Variants in ADGRL3 observed in about 807,000 individuals in gnomAD.
The protein encoded by ADGRL3 is adhesion G protein-coupled receptor L3.
A neutral mutation model predicts 153.5 loss-of-function variants in ADGRL3; 62 were observed. The observed-to-expected ratio is 0.40, with a 90% CI of 0.33 to 0.50. ADGRL3 has a LOEUF of 0.50. ADGRL3 is among the 20% of genes least tolerant of loss of function. The pLI is 0.47. For synonymous variants in ADGRL3, 710 were observed against 672.5 expected (o/e 1.06, Z -0.86); for missense variants, 1,641 against 1,859.4 (o/e 0.88, Z 2.16).
chr4:61,420,993 T>G (rs533455113), intron 2 of ADGRL3, among the ~76,000 whole-genome samples: 1 of 152,148 alleles, frequency 6.6e-6, no homozygotes, highest in African/African-American at 2.4e-5. Context: ...TGGGGTAAAA[T>G]ACTTGTCTGT....
chr4:62,076,172 A>G lies in ADGRL3; in HGVS notation c.*5264A>G, dbSNP rs1019393788. On this transcript the variant is annotated 3_prime_UTR_variant, in exon 27 of 27. Transcript: ENST00000683033. ...TGCTATTCCTTCTTTATTTAAAAAAAAATTTAAAAGTCAGCACTTCTTTCA... is the reference window on the plus strand; with the variant it reads ...TGCTATTCCTTCTTTATTTAAAAAAGAATTTAAAAGTCAGCACTTCTTTCA... 1 of 152,258 alleles carries G rather than the reference A, an allele frequency of 6.6e-6. No homozygotes were observed. The highest frequency in any genetic ancestry group is 3.4e-3 in the Middle Eastern group (1 of 294). 9.4% of individuals were successfully genotyped at this position (152,258 alleles called of 1,614,324 possible).
At chr4:61,387,428 A>C (rs978591896) in intron 2 of ADGRL3, among the ~76,000 whole-genome samples, 4 of 152,138 alleles carry the variant, frequency 2.6e-5, no homozygotes, top group Non-Finnish European at 5.9e-5. Context: ...TTTCCTCTTC[A>C]TAATAAACCT....
rs567282763 is a variant in ADGRL3 at position 61,694,172 on chromosome 4, T to A, written c.583+17237T>A. ...TCTGTCCTATACTATTTTAAAATTT[T>A]GTCATTATTTTTTTTTTTTTTTTTT... On this transcript the variant is annotated intron_variant, in intron 6 of 26. Coordinates refer to ENST00000683033, the MANE Select transcript of ADGRL3 (RefSeq NM_001387552.1). Among the ~76,000 whole-genome samples the A allele has an allele frequency of 3.8e-4, 52 of 137,252 alleles. 1 individual carries two copies. The highest frequency in any genetic ancestry group is 3.7e-3 in the Admixed American group (47 of 12,722). The allele number at this position is 137,252 out of a possible 152,430, so 90.0% of individuals were successfully genotyped here. A position where few individuals can be genotyped will look rare whatever the true frequency, so the allele number is the denominator to read the frequency against.
At chr4:62,017,113 G>T (rs926211835) in intron 21 of ADGRL3, among the ~76,000 whole-genome samples, 1 of 151,998 alleles carries the variant, frequency 6.6e-6, no homozygotes, top group African/African-American at 2.4e-5. Context: ...TTTCTATGGA[G>T]ATGATGATAT....
At chr4:61,902,938 A>G (rs553209483) in intron 11 of ADGRL3, among the ~76,000 whole-genome samples, 114 of 152,296 alleles carry the variant, frequency 7.5e-4, no homozygotes, top group Admixed American at 1.8e-3. Flanking sequence ...AAAATATTTT[A>G]TTCAACACTG....
chr4:61,816,508 C>G (rs574489974), intron 9 of ADGRL3, among the ~76,000 whole-genome samples: 2 of 152,230 alleles, frequency 1.3e-5, no homozygotes, highest in South Asian at 2.1e-4. Flanking sequence ...TAGATTATAT[C>G]CCTTGATTGA....
chr4:61,802,569 T>C (rs1237102720), intron 8 of ADGRL3, among the ~76,000 whole-genome samples: 2 of 152,100 alleles, frequency 1.3e-5, no homozygotes, highest in African/African-American at 4.8e-5. Flanking sequence ...GCACTGCTCA[T>C]CGGTCATCAG....
At chr4:61,308,878 G>A (rs567724552) in intron 1 of ADGRL3, among the ~76,000 whole-genome samples, 3 of 151,972 alleles carry the variant, frequency 2.0e-5, no homozygotes, top group Non-Finnish European at 4.4e-5. Context: ...CTAGTGATAG[G>A]GTTTTACAGT....
chr4:62,068,301 A>G, intron 26 of ADGRL3, 118 bp downstream of exon 26: 1 of 901,016 alleles, frequency 1.1e-6, no homozygotes, highest in Non-Finnish European at 1.6e-6. Context: ...TTTAAAAACT[A>G]AAAAGCCTAT....
intron 4 of ADGRL3, among the ~76,000 whole-genome samples, chr4:61,561,684 G>T (rs964374014): frequency 7.2e-5 from 11 of 151,932 alleles, no homozygotes; most frequent in African/African-American, 2.7e-4. Context: ...CACACTAACA[G>T]TTGTTCAATT....
chr4:61,303,088 A>G (rs898954125), intron 1 of ADGRL3, among the ~76,000 whole-genome samples: 1 of 152,222 alleles, frequency 6.6e-6, no homozygotes, highest in Non-Finnish European at 1.5e-5. Context: ...GAGTAGAAAT[A>G]TCAACTCATG....
chr4:61,301,606 A>T (rs2094581830), intron 1 of ADGRL3, among the ~76,000 whole-genome samples: 1 of 152,192 alleles, frequency 6.6e-6, no homozygotes, highest in African/African-American at 2.4e-5. Flanking sequence ...ACACACTTAG[A>T]ACCATCTTAA....
chr4:61,664,925 T>C (rs996813966), intron 5 of ADGRL3, among the ~76,000 whole-genome samples: 10 of 152,140 alleles, frequency 6.6e-5, no homozygotes, highest in African/African-American at 2.4e-4. Context: ...TCCATCTCCT[T>C]TAGGTAGCCA....
chr4:61,881,029 T>G (rs1227523588), intron 9 of ADGRL3, among the ~76,000 whole-genome samples: 2 of 152,134 alleles, frequency 1.3e-5, no homozygotes, highest in African/African-American at 4.8e-5. Flanking sequence ...CCTAGTTGGA[T>G]CCCCTGTTTG....
At chr4:61,407,953 G>A (rs1295984494) in intron 2 of ADGRL3, among the ~76,000 whole-genome samples, 1 of 152,038 alleles carries the variant, frequency 6.6e-6, no homozygotes, top group Non-Finnish European at 1.5e-5. Flanking sequence ...TTATCGTTAT[G>A]AGGAATGCAT....
At chr4:61,455,315 T>C (rs2097722116) in intron 2 of ADGRL3, among the ~76,000 whole-genome samples, 1 of 152,106 alleles carries the variant, frequency 6.6e-6, no homozygotes, top group South Asian at 2.1e-4. Flanking sequence ...AATGATAACT[T>C]TGGAATATTT....
chr4:61,905,891 T>C (rs1394224311), intron 11 of ADGRL3, among the ~76,000 whole-genome samples: 1 of 148,294 alleles, frequency 6.7e-6, no homozygotes, highest in Non-Finnish European at 1.5e-5. Context: ...GAAGACTCTG[T>C]CTCAAAAAAA....
At chr4:61,426,411 G>C (rs1258323437) in intron 2 of ADGRL3, among the ~76,000 whole-genome samples, 1 of 151,240 alleles carries the variant, frequency 6.6e-6, no homozygotes, top group African/African-American at 2.4e-5. Context: ...TCGCACCCTG[G>C]CTGGACCCAT....
At chr4:61,268,502 C>A (rs1345731721) in intron 1 of ADGRL3, among the ~76,000 whole-genome samples, 1 of 151,240 alleles carries the variant, frequency 6.6e-6, no homozygotes, top group Non-Finnish European at 1.5e-5. Flanking sequence ...TGGGCCTCAG[C>A]CATTTATTTG....
Sources: gnomAD v4.1 joint callset for allele counts (sites outside exome capture counted in the v4.1 genomes callset) on GRCh38, gnomAD v4.1.1 for gene constraint, MANE v1.5 for transcripts, NCBI Gene and HGNC (gene_info 2026-07-23, HGNC 2026-07-21) for gene names.